Variants in ARHGAP22 observed in about 807,000 individuals in gnomAD.
The protein encoded by ARHGAP22 is Rho GTPase activating protein 22, also known as rho GTPase-activating protein 22.
ARHGAP22 carries 48 observed loss-of-function variants against 59.1 expected under a neutral mutation model. The ratio of observed to expected loss-of-function variants is 0.81; its 90% CI spans 0.64 to 1.03. ARHGAP22 has a LOEUF of 1.03. Among genes scored for constraint, ARHGAP22 ranks in the 50% least tolerant of loss-of-function variants. The pLI is 0.00. For missense variants in ARHGAP22, 1,015 were observed against 958.7 expected, an observed-to-expected ratio of 1.06 and a Z score of -0.78; for synonymous variants, 445 against 416.4, an observed-to-expected ratio of 1.07 and a Z score of -0.84.
At chr10:48,592,152 C>G (rs1174166083) in intron 1 of ARHGAP22, among the ~76,000 whole-genome samples, 1 of 152,216 alleles carries the variant, frequency 6.6e-6, no homozygotes, top group Non-Finnish European at 1.5e-5. Context: ...ACCTCACTGT[C>G]TTCAATCCTT....
intron 3 of ARHGAP22, 90 bp downstream of exon 3, chr10:48,555,370 CGGG>C: frequency 8.2e-7 from 1 of 1,219,760 alleles, no homozygotes; most frequent in Non-Finnish European, 1.2e-6. Flanking sequence ...GTGGCTCCTG[CGGG>C]AGGAGTGTCA....
chr10:48,602,786 C>T (rs929714833), intron 1 of ARHGAP22, among the ~76,000 whole-genome samples: 3 of 152,176 alleles, frequency 2.0e-5, no homozygotes, highest in Non-Finnish European at 4.4e-5. Context: ...CAGGAGTATA[C>T]AACTGCAACC....
At chr10:48,556,880 C>T (rs1045489386) in intron 2 of ARHGAP22, among the ~76,000 whole-genome samples, 18 of 152,150 alleles carry the variant, frequency 1.2e-4, no homozygotes, top group Non-Finnish European at 2.1e-4. Flanking sequence ...CCTCTACCCC[C>T]ATGTGTACTC....
chr10:48,584,126 T>G (rs1375001549), intron 1 of ARHGAP22, among the ~76,000 whole-genome samples: 1 of 152,204 alleles, frequency 6.6e-6, no homozygotes, highest in African/African-American at 2.4e-5. Flanking sequence ...GAGAAATAAT[T>G]CTGAGTTCAA....
intron 1 of ARHGAP22, among the ~76,000 whole-genome samples, chr10:48,637,795 C>T (rs897381852): frequency 3.3e-5 from 5 of 152,068 alleles, no homozygotes; most frequent in Admixed American, 1.3e-4. Flanking sequence ...CACAAAGTAT[C>T]CTCACTTCAC....
chr10:48,583,552 G>A (rs2059245073), intron 1 of ARHGAP22, among the ~76,000 whole-genome samples: 1 of 152,180 alleles, frequency 6.6e-6, no homozygotes, highest in Non-Finnish European at 1.5e-5. Flanking sequence ...TTCAGCCATT[G>A]CTTATTGATT....
In ARHGAP22 at chr10:48,583,017, C is replaced by A; in HGVS notation, c.170G>T (p.Arg57Leu). Reference sequence around the variant, plus strand: ...CTGATCCCCACGCAGCACAAACCAGCGCTGCTGCCAGTTCTTCATGATGCT... The same window carrying A: ...CTGATCCCCACGCAGCACAAACCAGAGCTGCTGCCAGTTCTTCATGATGCT... The part of the protein sequence containing the change: ...QRSIMKNWQQ[R>L]WFVLRGDQLF... The change falls in exon 2 of 10, where the codon CGC becomes CTC. Residue 57 changes from arginine to leucine, a missense_variant. Arg to Leu is a moderately radical substitution (Grantham distance 102, BLOSUM62 -2). Transcript: ENST00000249601. 1 of 1,614,268 alleles carries A rather than the reference C, an allele frequency of 6.2e-7. No individual in the cohort carries two copies. Among genetic ancestry groups the A allele is most frequent in the Non-Finnish European group, 8.5e-7 (1 of 1,180,048 alleles).
In ARHGAP22 at chr10:48,592,071, A is replaced by G. The variant is rs113754294; in HGVS notation, c.35-8919T>C. Among the ~76,000 whole-genome samples, 208 of 152,326 alleles carry G rather than the reference A, an allele frequency of 1.4e-3. 1 individual carries two copies. The highest frequency in any genetic ancestry group is 4.9e-3 in the African/African-American group (202 of 41,580). On this transcript the variant is annotated intron_variant, in intron 1 of 9. Coordinates refer to ENST00000249601, the MANE Select transcript of ARHGAP22 (RefSeq NM_021226.4). ...AATGGACAAACTGTGCTATATTCAC[A>G]TTAGAAAAGACTTGAAAAGAATGAG...
At chr10:48,538,609 C>T (rs1742435636) in intron 3 of ARHGAP22, among the ~76,000 whole-genome samples, 1 of 152,172 alleles carries the variant, frequency 6.6e-6, no homozygotes, top group South Asian at 2.1e-4. Context: ...TTGAGAAATG[C>T]TGAACTATTA....
chr10:48,496,844 G>A (rs1448230340), intron 3 of ARHGAP22, among the ~76,000 whole-genome samples: 1 of 152,182 alleles, frequency 6.6e-6, no homozygotes, highest in African/African-American at 2.4e-5. Flanking sequence ...GTGCTGTGTA[G>A]TACACCTCTG....
intron 3 of ARHGAP22, among the ~76,000 whole-genome samples, chr10:48,525,778 A>C (rs1466072482): frequency 6.6e-6 from 1 of 152,322 alleles, no homozygotes; most frequent in African/African-American, 2.4e-5. Context: ...GCTTAGAAAA[A>C]TATATGGGAG....
intron 2 of ARHGAP22, among the ~76,000 whole-genome samples, chr10:48,582,244 C>T (rs903255219): frequency 1.5e-4 from 23 of 152,184 alleles, no homozygotes; most frequent in African/African-American, 5.5e-4. Flanking sequence ...CGGACAAGTC[C>T]TTTAAGGTCC....
At chr10:48,459,936 A>C in intron 4 of ARHGAP22, 45 bp from the exon 5 acceptor site, 52 of 1,572,026 alleles carry the variant, frequency 3.3e-5, no homozygotes, top group Middle Eastern at 2.2e-4. Flanking sequence ...CACCCAGCTC[A>C]GTGTTGGGTG....
intron 3 of ARHGAP22, among the ~76,000 whole-genome samples, chr10:48,548,336 T>G (rs2056626060): frequency 6.6e-6 from 1 of 152,040 alleles, no homozygotes; most frequent in South Asian, 2.1e-4. Flanking sequence ...ACTCTTAATC[T>G]CCACTCCCCC....
intron 3 of ARHGAP22, among the ~76,000 whole-genome samples, chr10:48,547,178 G>A (rs747262627): frequency 2.0e-5 from 3 of 152,188 alleles, no homozygotes; most frequent in Non-Finnish European, 4.4e-5. Context: ...GCTCTTCCTC[G>A]GAAGCTTCCT....
At chr10:48,492,137 T>G (rs2050462022) in intron 3 of ARHGAP22, among the ~76,000 whole-genome samples, 1 of 152,266 alleles carries the variant, frequency 6.6e-6, no homozygotes, top group South Asian at 2.1e-4. Context: ...GTAACTGATA[T>G]GTGTGAAAGC....
chr10:48,545,612 G>A (rs780243694), intron 3 of ARHGAP22, among the ~76,000 whole-genome samples: 7 of 152,204 alleles, frequency 4.6e-5, no homozygotes, highest in African/African-American at 7.2e-5. Context: ...CTCAGGCGGC[G>A]GCTAATGTGA....
upstream of ARHGAP22, among the ~76,000 whole-genome samples, chr10:48,655,226 C>T (rs1428893567): frequency 7.9e-6 from 1 of 127,184 alleles, no homozygotes; most frequent in Non-Finnish European, 1.7e-5. Context: ...CCTCCACCCA[C>T]ACCATGGAGA....
intron 3 of ARHGAP22, among the ~76,000 whole-genome samples, chr10:48,547,729 G>C (rs1335468844): frequency 1.3e-5 from 2 of 152,188 alleles, no homozygotes; most frequent in African/African-American, 4.8e-5. Flanking sequence ...GCACACTCAG[G>C]TCCTTCCCCA....
Sources: gnomAD v4.1 joint callset for allele counts (sites outside exome capture counted in the v4.1 genomes callset) on GRCh38, gnomAD v4.1.1 for gene constraint, MANE v1.5 for transcripts, NCBI Gene and HGNC (gene_info 2026-07-23, HGNC 2026-07-21) for gene names.